Variants in RUFY1 observed in about 807,000 individuals in gnomAD.
The protein encoded by RUFY1 is RUN and FYVE domain-containing protein 1.
RUFY1 carries 54 observed loss-of-function variants against 94.6 expected under a neutral mutation model. That is an observed-to-expected ratio of 0.57 (90% confidence interval 0.46 to 0.72). The LOEUF (loss-of-function observed/expected upper bound fraction) is 0.72. RUFY1 is among the 30% of genes least tolerant of loss of function. RUFY1 has a pLI of 0.00. For synonymous variants in RUFY1, 396 were observed against 347.3 expected, an observed-to-expected ratio of 1.14 and a Z score of -1.56; for missense variants, 883 against 883.9, an observed-to-expected ratio of 1.00 and a Z score of 0.01.
Position 179,584,430 on chromosome 5 carries a change from A to T in RUFY1, c.957-1366A>T, listed in dbSNP as rs538901860. ...GCTGCCTTGTCTGTAAAATGGGCTA[A>T]CAGTAGGATCTACCTCATTGAATTG... On this transcript the variant is annotated intron_variant, in intron 7 of 17. Coordinates refer to ENST00000319449, the MANE Select transcript of RUFY1 (RefSeq NM_025158.5). Among the ~76,000 whole-genome samples the T allele has an allele frequency of 2.6e-5, 4 of 152,302 alleles. No individual in the cohort carries two copies. The South Asian group carries it at 8.3e-4, about 32-fold the overall frequency.
intron 1 of RUFY1, among the ~76,000 whole-genome samples, chr5:179,552,735 T>G (rs140430526): frequency 6.6e-6 from 1 of 152,270 alleles, no homozygotes; most frequent in East Asian, 1.9e-4. Flanking sequence ...TTTCCTTTAA[T>G]GCAGAATCAA....
chr5:179,588,555 T>G (rs1201960621), intron 8 of RUFY1, among the ~76,000 whole-genome samples: 3 of 152,208 alleles, frequency 2.0e-5, no homozygotes, highest in African/African-American at 7.2e-5. Flanking sequence ...AATGATTTGT[T>G]TTTTATTCCT....
At chr5:179,572,413 C>A in intron 5 of RUFY1, 1 of 193,786 alleles carries the variant, frequency 5.2e-6, no homozygotes, top group South Asian at 6.8e-5. Context: ...TGGCTTGGAT[C>A]AACAACCCCC....
At chr5:179,561,071 C>G (rs929952946) in intron 2 of RUFY1, among the ~76,000 whole-genome samples, 4 of 151,880 alleles carry the variant, frequency 2.6e-5, no homozygotes, top group Non-Finnish European at 5.9e-5. Flanking sequence ...ATTAGCCGGG[C>G]GTGGTGGCGC....
intron 1 of RUFY1, among the ~76,000 whole-genome samples, chr5:179,559,002 G>T (rs1054636726): frequency 1.1e-4 from 17 of 152,186 alleles, no homozygotes; most frequent in African/African-American, 4.1e-4. Flanking sequence ...AGAATAAACA[G>T]AAGTTATTTA....
At chr5:179,594,246 G>A (rs929832979) in intron 11 of RUFY1, among the ~76,000 whole-genome samples, 13 of 151,742 alleles carry the variant, frequency 8.6e-5, no homozygotes, top group Non-Finnish European at 1.6e-4. Context: ...GTTGCAGTGA[G>A]CCGAAATCAT....
At chr5:179,592,160 C>T (rs1384024596) in intron 10 of RUFY1, among the ~76,000 whole-genome samples, 1 of 151,590 alleles carries the variant, frequency 6.6e-6, no homozygotes, top group East Asian at 1.9e-4. Flanking sequence ...ACTCTTGTCG[C>T]CCAGGCTAGA....
intron 13 of RUFY1, among the ~76,000 whole-genome samples, chr5:179,597,537 A>C (rs911889091): frequency 1.1e-4 from 16 of 151,764 alleles, no homozygotes; most frequent in Non-Finnish European, 1.6e-4. Flanking sequence ...CGCCCAGCCT[A>C]ATTTTTGTAT....
At position 179,590,442 on chromosome 5, in the gene RUFY1, T is replaced by C. The variant is rs796127546; in HGVS notation, c.1128+795T>C. On this transcript the variant is annotated intron_variant, in intron 9 of 17. Transcript: ENST00000319449. ...CATAAGTACTGGATGATGAGTTGAATGAGGGTTTTTCCTGCGAATGGAGTC... is the reference window on the plus strand; with the variant it reads ...CATAAGTACTGGATGATGAGTTGAACGAGGGTTTTTCCTGCGAATGGAGTC... 3.1e-4 allele frequency among the ~76,000 whole-genome samples: 47 copies of C among 152,080 alleles called. 1 individual carries two copies. Among genetic ancestry groups the C allele is most frequent in the South Asian group, 8.3e-4 (4 of 4,834 alleles).
intron 15 of RUFY1, among the ~76,000 whole-genome samples, chr5:179,605,091 C>A (rs1353078447): frequency 6.6e-6 from 1 of 152,016 alleles, no homozygotes; most frequent in Non-Finnish European, 1.5e-5. Context: ...CCAGCCTGGG[C>A]AACATGGCAA....
intron 15 of RUFY1, among the ~76,000 whole-genome samples, chr5:179,605,011 G>C (rs1327103665): frequency 6.6e-6 from 1 of 151,314 alleles, no homozygotes; most frequent in Non-Finnish European, 1.5e-5. Context: ...AAAGAAAAAG[G>C]CTCAGGCCTA....
intron 7 of RUFY1, 44 bp downstream of exon 7, chr5:179,581,056 A>G: frequency 8.2e-7 from 1 of 1,214,494 alleles, no homozygotes; most frequent in Non-Finnish European, 1.2e-6. Context: ...CATACTCGGT[A>G]TCCTGTCATT....
intron 15 of RUFY1, among the ~76,000 whole-genome samples, chr5:179,604,989 AAAAAAAG>A (rs1355826597): frequency 1.3e-4 from 19 of 150,276 alleles, no homozygotes; most frequent in South Asian, 4.2e-4. Flanking sequence ...ATCTCAAAAA[AAAAAAAG>A]AAAAAAAGAA....
rs745526090 is a variant in RUFY1 at position 179,593,629 on chromosome 5, T to C, written c.1397T>C (p.Met466Thr). The C allele has an allele frequency of 3.1e-6, 5 of 1,613,940 alleles. 1 individual carries two copies. In the Admixed American group the frequency reaches 8.3e-5, roughly 27 times the overall value. Residue 466 changes from methionine to threonine, a missense_variant, in exon 11 of 18, where the codon ATG (methionine) becomes ACG (threonine). By Grantham distance (81) the Met-to-Thr change is moderately conservative. Transcript: ENST00000319449. ...LEEVKAINLQ[M>T]FHKAQNAESS... ...GAAGTCAAAGCGATTAATTTACAGATGTTTCACAAAGCTCAGGTGGGAGTT... is the reference window on the plus strand; with the variant it reads ...GAAGTCAAAGCGATTAATTTACAGACGTTTCACAAAGCTCAGGTGGGAGTT...
At chr5:179,581,073 T>C in intron 7 of RUFY1, 61 bp downstream of exon 7, 2 of 1,066,136 alleles carry the variant, frequency 1.9e-6, no homozygotes, top group Non-Finnish European at 2.8e-6. Context: ...CATTGCTTCA[T>C]GGAACTTCGA....
rs1397863524 is a variant in RUFY1 at position 179,570,610 on chromosome 5, C to G, written c.828+1185C>G. 5.3e-5 allele frequency among the ~76,000 whole-genome samples: 8 copies of G among 152,152 alleles called. No homozygotes were observed. In the East Asian group the frequency reaches 1.4e-3, roughly 26 times the overall value. The stretch of plus-strand genomic sequence containing the variant: ...CCTAACCCATTCCTCACTTCCACCC[C>G]CTCTTCGGGGCATCCGCAGCTGTAG... On this transcript the variant is annotated intron_variant, in intron 5 of 17. Transcript: ENST00000319449.
Position 179,553,130 on chromosome 5 carries a change from A to G in RUFY1, c.310+2251A>G, listed in dbSNP as rs117817318. On this transcript the variant is annotated intron_variant, in intron 1 of 17. Coordinates refer to ENST00000319449, the MANE Select transcript of RUFY1 (RefSeq NM_025158.5). ...GTTCTCAGTTGCCCTGGCCCACTCGAGCTGCCCTGGGGCTTCTCCCTACCC... is the reference window on the plus strand; with the variant it reads ...GTTCTCAGTTGCCCTGGCCCACTCGGGCTGCCCTGGGGCTTCTCCCTACCC... Among the ~76,000 whole-genome samples the G allele has an allele frequency of 2.9e-3, 448 of 152,312 alleles. 18 individuals are homozygous for G. The East Asian group carries it at 0.076, about 26-fold the overall frequency.
intron 15 of RUFY1, among the ~76,000 whole-genome samples, chr5:179,604,857 G>C (rs770493982): frequency 6.6e-6 from 1 of 151,596 alleles, no homozygotes; most frequent in African/African-American, 2.4e-5. Context: ...GGTGTCGGGC[G>C]CCTGTCATCC....
intron 1 of RUFY1, among the ~76,000 whole-genome samples, chr5:179,555,164 A>G (rs1201170933): frequency 1.3e-5 from 2 of 151,848 alleles, no homozygotes; most frequent in Non-Finnish European, 2.9e-5. Flanking sequence ...TGAGTAACAA[A>G]CATGCGTGTT....
Sources: allele counts gnomAD v4.1 joint callset (sites outside exome capture counted in the v4.1 genomes callset), GRCh38; gene constraint gnomAD v4.1.1; transcripts MANE v1.5; gene names NCBI Gene and HGNC (gene_info 2026-07-23, HGNC 2026-07-21).